The following SLC24A3 variants were observed in gnomAD, a reference collection of about 807,000 sequenced individuals.
SLC24A3 encodes the protein solute carrier family 24 member 3, also known as sodium/potassium/calcium exchanger 3.
Under a neutral mutation model 75.8 loss-of-function variants are expected in SLC24A3, and 28 were observed. That is an observed-to-expected ratio of 0.37 (90% CI 0.27 to 0.51). The LOEUF (loss-of-function observed/expected upper bound fraction) is 0.51, where lower values mean the gene tolerates loss of function less well. Among genes scored for constraint, SLC24A3 ranks in the 20% least tolerant of loss-of-function variants. The probability of loss-of-function intolerance (pLI) is 0.94; values close to 1 mark genes in which losing one functional copy is unlikely to be tolerated. For synonymous variants in SLC24A3, 372 were observed against 334.1 expected, an observed-to-expected ratio of 1.11 and a Z score of -1.24; for missense variants, 663 against 847.8, an observed-to-expected ratio of 0.78 and a Z score of 2.71.
intron 2 of SLC24A3, among the ~76,000 whole-genome samples, chr20:19,304,737 G>A (rs1424987749): frequency 6.6e-6 from 1 of 152,124 alleles, no homozygotes; most frequent in African/African-American, 2.4e-5. Context: ...AAAAAAGCAT[G>A]CAAGAAAATG....
At position 19,408,695 on chromosome 20, in the gene SLC24A3, A is replaced by G. The variant is rs556038701; in HGVS notation, c.272-106793A>G. ...GTCAGCCACCACACCCGGCCTAAAA[A>G]TACTGTTCTGATGACCATCCTTGTG... On this transcript the variant is annotated intron_variant, in intron 2 of 16. Coordinates refer to ENST00000328041, the MANE Select transcript of SLC24A3 (RefSeq NM_020689.4). Among the ~76,000 whole-genome samples, 14 of 152,246 alleles carry G rather than the reference A, an allele frequency of 9.2e-5. No individual in the cohort carries two copies. The East Asian group carries it at 2.7e-3, about 29-fold the overall frequency.
chr20:19,475,973 A>G (rs972579688), intron 2 of SLC24A3, among the ~76,000 whole-genome samples: 3 of 152,324 alleles, frequency 2.0e-5, no homozygotes, highest in African/African-American at 7.2e-5. Context: ...ATCTATAACA[A>G]TGGGAATAGC....
chr20:19,490,198 A>G (rs1051825069), intron 2 of SLC24A3, among the ~76,000 whole-genome samples: 5 of 152,132 alleles, frequency 3.3e-5, no homozygotes, highest in Non-Finnish European at 7.3e-5. Flanking sequence ...TCTAGATGGT[A>G]ATGAGATGGA....
At chr20:19,426,736 T>C (rs958142060) in intron 2 of SLC24A3, among the ~76,000 whole-genome samples, 22 of 152,150 alleles carry the variant, frequency 1.4e-4, no homozygotes, top group African/African-American at 5.1e-4. Context: ...TTTGTATTGG[T>C]TCTCTTGGGG....
At chr20:19,440,289 A>T (rs1353738532) in intron 2 of SLC24A3, among the ~76,000 whole-genome samples, 1 of 152,206 alleles carries the variant, frequency 6.6e-6, no homozygotes, top group African/African-American at 2.4e-5. Flanking sequence ...CCTAGTTGTC[A>T]AGTTAGGCGC....
At chr20:19,457,023 A>G (rs1482242974) in intron 2 of SLC24A3, among the ~76,000 whole-genome samples, 1 of 152,232 alleles carries the variant, frequency 6.6e-6, no homozygotes, top group Non-Finnish European at 1.5e-5. Context: ...TGTGCCAGAC[A>G]TGGCTCCTCC....
At chr20:19,668,256 A>G (rs751853358) in intron 8 of SLC24A3, among the ~76,000 whole-genome samples, 3 of 152,158 alleles carry the variant, frequency 2.0e-5, no homozygotes, top group African/African-American at 4.8e-5. Flanking sequence ...GGGGATTTCA[A>G]CTTCTCATTT....
chr20:19,374,063 C>T (rs1324675274), intron 2 of SLC24A3, among the ~76,000 whole-genome samples: 1 of 152,144 alleles, frequency 6.6e-6, no homozygotes, highest in Non-Finnish European at 1.5e-5. Context: ...TACTTGAATG[C>T]CAAATGCCTT....
intron 6 of SLC24A3, among the ~76,000 whole-genome samples, chr20:19,640,611 G>A (rs992955134): frequency 2.6e-5 from 4 of 152,170 alleles, no homozygotes; most frequent in Non-Finnish European, 5.9e-5. Flanking sequence ...TTAGCCAGAT[G>A]TGGTGGCGGA....
intron 2 of SLC24A3, among the ~76,000 whole-genome samples, chr20:19,456,471 C>T (rs574701112): frequency 9.8e-5 from 15 of 152,300 alleles, no homozygotes; most frequent in East Asian, 3.9e-4. Context: ...CCATGTAAGA[C>T]GGGACTTGCT....
chr20:19,475,933 GC>G (rs1987955178), intron 2 of SLC24A3, among the ~76,000 whole-genome samples: 1 of 152,198 alleles, frequency 6.6e-6, no homozygotes, highest in Non-Finnish European at 1.5e-5. Context: ...GAAGGAGATA[GC>G]CCAGAACTGA....
chr20:19,258,104 T>C (rs2122189883), intron 1 of SLC24A3, among the ~76,000 whole-genome samples: 1 of 152,334 alleles, frequency 6.6e-6, no homozygotes, highest in Middle Eastern at 3.4e-3. Context: ...GGAATGCCGT[T>C]CCTAAACTGG....
At chr20:19,445,712 A>G (rs1987371034) in intron 2 of SLC24A3, among the ~76,000 whole-genome samples, 1 of 152,180 alleles carries the variant, frequency 6.6e-6, no homozygotes, top group Non-Finnish European at 1.5e-5. Flanking sequence ...ATTTATGGAC[A>G]TAGACAAAGT....
intron 1 of SLC24A3, among the ~76,000 whole-genome samples, chr20:19,271,312 G>A (rs1983323063): frequency 6.6e-6 from 1 of 151,558 alleles, no homozygotes; most frequent in Non-Finnish European, 1.5e-5. Flanking sequence ...TGCAAGAATG[G>A]CCATAATTAA....
chr20:19,499,234 A>G (rs62200424), intron 2 of SLC24A3, among the ~76,000 whole-genome samples: 4,582 of 152,362 alleles, frequency 0.03, 81 homozygotes, highest in Middle Eastern at 0.068. Flanking sequence ...TTATGCAGAT[A>G]CATATACATA....
chr20:19,529,407 A>G (rs890919398), intron 3 of SLC24A3, among the ~76,000 whole-genome samples: 2 of 152,184 alleles, frequency 1.3e-5, no homozygotes, highest in Admixed American at 6.5e-5. Context: ...CTGGAATCCT[A>G]GAAATCAACC....
At position 19,381,490 on chromosome 20, in the gene SLC24A3, G is replaced by T. The variant is rs79041834; in HGVS notation, c.271+100403G>T. Among the ~76,000 whole-genome samples, 845 of 152,266 alleles carry T rather than the reference G, an allele frequency of 5.5e-3. 4 individuals are homozygous for T. Among genetic ancestry groups the T allele is most frequent in the Non-Finnish European group, 9.1e-3 (618 of 67,996 alleles). ...ATTGAACTATGCAGATGACTGGAAA[G>T]ATGGAACAGCAGGTGCAAAGGCCCC... On this transcript the variant is annotated intron_variant, in intron 2 of 16. Coordinates refer to ENST00000328041, the MANE Select transcript of SLC24A3 (RefSeq NM_020689.4).
chr20:19,485,870 C>A (rs1171261887), intron 2 of SLC24A3, among the ~76,000 whole-genome samples: 1 of 152,210 alleles, frequency 6.6e-6, no homozygotes, highest in Non-Finnish European at 1.5e-5. Flanking sequence ...GGAACAATTA[C>A]CCATTGTCTA....
In SLC24A3 at chr20:19,421,748, G is replaced by A. The variant is rs1241462886; in HGVS notation, c.272-93740G>A. On this transcript the variant is annotated intron_variant, in intron 2 of 16. Transcript: ENST00000328041. ...GACAGAGACTCTTAGCAAAGCAAGA[G>A]AGTGTGCTTTTTGGCCATGGGCTTC... 2.6e-5 allele frequency among the ~76,000 whole-genome samples: 4 copies of A among 152,364 alleles called. No individual in the cohort carries two copies. The South Asian group carries it at 6.2e-4, about 24-fold the overall frequency.
Sources: gnomAD v4.1 joint callset for allele counts (sites outside exome capture counted in the v4.1 genomes callset) on GRCh38, gnomAD v4.1.1 for gene constraint, MANE v1.5 for transcripts, NCBI Gene and HGNC (gene_info 2026-07-23, HGNC 2026-07-21) for gene names.